SH3KBP1: variants seen among roughly 807,000 people sequenced by gnomAD.
The protein encoded by SH3KBP1 is SH3 domain containing kinase binding protein 1.
A neutral mutation model predicts 50.1 loss-of-function variants in SH3KBP1; 8 were observed. The observed-to-expected ratio is 0.16, with a 90% confidence interval of 0.09 to 0.29. The LOEUF (loss-of-function observed/expected upper bound fraction) is 0.29, where lower values mean the gene tolerates loss of function less well. Ranked by LOEUF, SH3KBP1 falls within the 10% of genes least tolerant of loss-of-function variation. The pLI is 1.00. For missense variants in SH3KBP1, 377 were observed against 535.2 expected, an observed-to-expected ratio of 0.70 and a Z score of 2.92; for synonymous variants, 227 against 218.6, an observed-to-expected ratio of 1.04 and a Z score of -0.34.
At chrX:19,869,530 G>A (rs893933960) in intron 1 of SH3KBP1, among the ~76,000 whole-genome samples, 4 of 112,453 alleles carry the variant, frequency 3.6e-5, no homozygotes, top group Non-Finnish European at 5.6e-5. Context: ...CAAGAGAGAA[G>A]GAATCTGAGC....
intron 6 of SH3KBP1, among the ~76,000 whole-genome samples, chrX:19,654,823 T>C (rs997341487): frequency 8.9e-5 from 10 of 111,872 alleles, no homozygotes; most frequent in East Asian, 2.8e-4. Context: ...ACGGGGCCAG[T>C]TGGGGTTTTA....
At chrX:19,795,529 G>C (rs770985321) in intron 2 of SH3KBP1, among the ~76,000 whole-genome samples, 1 of 111,162 alleles carries the variant, frequency 9.0e-6, no homozygotes, top group Admixed American at 9.6e-5. Flanking sequence ...CACATTTTAC[G>C]AGGCACATTC....
At chrX:19,799,016 AG>A (rs1333889498) in intron 2 of SH3KBP1, among the ~76,000 whole-genome samples, 1 of 111,847 alleles carries the variant, frequency 8.9e-6, no homozygotes, top group Non-Finnish European at 1.9e-5. Flanking sequence ...CCGACACCTC[AG>A]TTGGCATCTG....
intron 2 of SH3KBP1, among the ~76,000 whole-genome samples, chrX:19,779,983 T>C (rs1215573000): frequency 2.7e-5 from 3 of 111,098 alleles, no homozygotes; most frequent in Non-Finnish European, 5.7e-5. Flanking sequence ...AATGGGATGG[T>C]ATTTCCAGTT....
chrX:19,858,547 G>C (rs2068709284), intron 1 of SH3KBP1, among the ~76,000 whole-genome samples: 1 of 112,154 alleles, frequency 8.9e-6, no homozygotes, highest in African/African-American at 3.2e-5. Context: ...AGGATGGCTT[G>C]AACCCAGGAG....
At position 19,884,996 on chromosome X, in the gene SH3KBP1, G is replaced by A. The variant is rs755258893; in HGVS notation, c.4+2311C>T. ...AAGAGAAAACTCATTATCAGGCCAG[G>A]TAAGAATATAAGTGTATCAGAATCA... On this transcript the variant is annotated intron_variant, in intron 1 of 17. Coordinates refer to ENST00000397821, the MANE Select transcript of SH3KBP1 (RefSeq NM_031892.3). Among the ~76,000 whole-genome samples the A allele has an allele frequency of 5.0e-4, 56 of 111,849 alleles. No individual in the cohort carries two copies. In the Middle Eastern group the frequency reaches 0.019, roughly 37 times the overall value.
intron 7 of SH3KBP1, among the ~76,000 whole-genome samples, chrX:19,643,476 A>T (rs1458673672): frequency 9.3e-6 from 1 of 107,236 alleles, no homozygotes; most frequent in Non-Finnish European, 1.9e-5. Flanking sequence ...GGCTCAAGTG[A>T]TCCACTTGCC....
chrX:19,761,597 A>C (rs896320159), intron 2 of SH3KBP1, among the ~76,000 whole-genome samples: 2 of 111,969 alleles, frequency 1.8e-5, no homozygotes, highest in Non-Finnish European at 3.8e-5. Context: ...TAGTTAAGAG[A>C]TCATATCTAG....
intron 7 of SH3KBP1, among the ~76,000 whole-genome samples, chrX:19,642,648 A>G (rs2148375164): frequency 8.9e-6 from 1 of 112,040 alleles, no homozygotes; most frequent in South Asian, 3.7e-4. Flanking sequence ...ATCTGTATCA[A>G]TTATAATAAG....
At chrX:19,678,862 T>C (rs2062986881) in intron 6 of SH3KBP1, among the ~76,000 whole-genome samples, 1 of 111,704 alleles carries the variant, frequency 9.0e-6, no homozygotes, top group African/African-American at 3.3e-5. Context: ...TAAAACACTT[T>C]GATAGTTTCC....
rs571905636 is a variant in SH3KBP1 at position 19,551,610 on chromosome X, T to C, written c.1385-1527A>G. Among the ~76,000 whole-genome samples the C allele has an allele frequency of 2.9e-5, 3 of 103,516 alleles. No homozygotes were observed. In the South Asian group the frequency reaches 1.5e-3, roughly 51 times the overall value. 89.9% of individuals were successfully genotyped at this position (103,516 alleles called of 115,157 possible). A position where few individuals can be genotyped will look rare whatever the true frequency, so the allele number is the denominator to read the frequency against. On this transcript the variant is annotated intron_variant, in intron 13 of 17. Transcript: ENST00000397821. Reference sequence around the variant, plus strand: ...CCCAGGCTGGAGGGCAGTGGCACAATCTTGGCTCACTGTAGCCTCAACCTC... The same window carrying C: ...CCCAGGCTGGAGGGCAGTGGCACAACCTTGGCTCACTGTAGCCTCAACCTC...
chrX:19,760,023 C>CTCTCTCCTCT (rs1556345973), intron 2 of SH3KBP1, among the ~76,000 whole-genome samples: 1 of 83,582 alleles, frequency 1.2e-5, no homozygotes, highest in African/African-American at 5.9e-5. Flanking sequence ...CTCTCTCTCT[C>CTCTCTCCTCT]CTCTCTCTCT....
chrX:19,739,861 C>T (rs1362190645), intron 3 of SH3KBP1, among the ~76,000 whole-genome samples: 1 of 109,996 alleles, frequency 9.1e-6, no homozygotes, highest in Non-Finnish European at 1.9e-5. Context: ...CAGGTGGAGC[C>T]ACCACCACAA....
intron 8 of SH3KBP1, among the ~76,000 whole-genome samples, chrX:19,612,098 C>T (rs1381932775): frequency 9.1e-6 from 1 of 109,702 alleles, no homozygotes; most frequent in Non-Finnish European, 1.9e-5. Flanking sequence ...CCCAGCAATA[C>T]AAGCTAATTT....
In SH3KBP1 at chrX:19,637,806, C is replaced by T. The variant is rs543064271; in HGVS notation, c.803-5848G>A. Among the ~76,000 whole-genome samples the T allele has an allele frequency of 7.2e-5, 8 of 111,042 alleles. No individual in the cohort carries two copies. In the South Asian group the frequency reaches 2.3e-3, roughly 32 times the overall value. ...TTAAAAACCTTAGTCTGGCCGGGCGCGGTGGCTCACGTCTGTAATCCCAGC... is the reference window on the plus strand; with the variant it reads ...TTAAAAACCTTAGTCTGGCCGGGCGTGGTGGCTCACGTCTGTAATCCCAGC... On this transcript the variant is annotated intron_variant, in intron 7 of 17. Coordinates refer to ENST00000397821, the MANE Select transcript of SH3KBP1 (RefSeq NM_031892.3).
At chrX:19,739,666 C>A (rs760561376) in intron 3 of SH3KBP1, among the ~76,000 whole-genome samples, 4 of 108,910 alleles carry the variant, frequency 3.7e-5, no homozygotes, top group African/African-American at 1.3e-4. Flanking sequence ...GTTCAAAGAG[C>A]AATTCTTAGG....
At chrX:19,708,527 C>T (rs1173978520) in intron 3 of SH3KBP1, among the ~76,000 whole-genome samples, 1 of 111,411 alleles carries the variant, frequency 9.0e-6, no homozygotes, top group African/African-American at 3.3e-5. Context: ...ACTTGCTTTT[C>T]CAAGGAGGAA....
chrX:19,620,999 T>C (rs974819710), intron 8 of SH3KBP1, among the ~76,000 whole-genome samples: 3 of 99,536 alleles, frequency 3.0e-5, no homozygotes, highest in African/African-American at 1.2e-4. Flanking sequence ...ATTTGTATAA[T>C]AGGTTCAGGT....
chrX:19,707,991 T>C (rs1418704540), intron 3 of SH3KBP1, among the ~76,000 whole-genome samples: 1 of 113,015 alleles, frequency 8.8e-6, no homozygotes, highest in African/African-American at 3.2e-5. Flanking sequence ...CTGCATGGCC[T>C]AGAAAACCAA....
Sources: allele counts gnomAD v4.1 joint callset (sites outside exome capture counted in the v4.1 genomes callset), GRCh38; gene constraint gnomAD v4.1.1; transcripts MANE v1.5; gene names NCBI Gene and HGNC (gene_info 2026-07-23, HGNC 2026-07-21).